The following GLG1 variants were observed in gnomAD, a reference collection of about 807,000 sequenced individuals.
GLG1 encodes golgi glycoprotein 1.
GLG1 carries 38 observed loss-of-function variants against 160.5 expected under a neutral mutation model. That is an observed-to-expected ratio of 0.24 (90% confidence interval 0.18 to 0.31). The LOEUF (loss-of-function observed/expected upper bound fraction) is 0.31. GLG1 is among the 10% of genes least tolerant of loss of function. The probability of loss-of-function intolerance (pLI) is 1.00; values close to 1 mark genes in which losing one functional copy is unlikely to be tolerated. For missense variants in GLG1, 1,373 were observed against 1,505.2 expected (o/e 0.91, Z 1.45); for synonymous variants, 644 against 543.4 (o/e 1.19, Z -2.57).
In GLG1 at chr16:74,493,155, C is replaced by T. The variant is rs1255381986; in HGVS notation, c.1051-15G>A. 2 of 1,586,554 alleles carry T rather than the reference C, an allele frequency of 1.3e-6. No homozygotes were observed. Among genetic ancestry groups the T allele is most frequent in the Admixed American group, 1.7e-5 (1 of 57,348 alleles). Reference sequence around the variant, plus strand: ...GCTTCTCGACACTGAGGAAAGAGTACAGCAACAGCCGTGAGACCACTCATG... The same window carrying T: ...GCTTCTCGACACTGAGGAAAGAGTATAGCAACAGCCGTGAGACCACTCATG... On this transcript the variant is annotated splice_polypyrimidine_tract_variant and intron_variant, in intron 6 of 25. Coordinates refer to ENST00000422840, the MANE Select transcript of GLG1 (RefSeq NM_001145667.2).
intron 1 of GLG1, among the ~76,000 whole-genome samples, chr16:74,592,889 T>C (rs1290579928): frequency 6.6e-6 from 1 of 152,060 alleles, no homozygotes; most frequent in African/African-American, 2.4e-5. Flanking sequence ...CCAATACAAG[T>C]GTTGAGAGAT....
At chr16:74,506,458 T>C in intron 3 of GLG1, among the ~76,000 whole-genome samples, 1 of 151,354 alleles carries the variant, frequency 6.6e-6, no homozygotes, top group East Asian at 1.9e-4. Context: ...AGCAGGTGCC[T>C]GTAGTCCCAG....
Position 74,452,744 on chromosome 16 carries a change from C to A in GLG1, c.*423G>T. 2.0e-6 allele frequency: 2 copies of A among 992,464 alleles called. No homozygotes were observed. Among genetic ancestry groups the A allele is most frequent in the Non-Finnish European group, 2.4e-6 (2 of 834,050 alleles). The allele number at this position is 992,464 out of a possible 1,614,324, so 61.5% of individuals were successfully genotyped here. ...TTACACAGTCATATGAAAGACATAA[C>A]CCCATTGCCCAAATCAAGCCTGGAG... On this transcript the variant is annotated 3_prime_UTR_variant, in exon 26 of 26. Coordinates refer to ENST00000422840, the MANE Select transcript of GLG1 (RefSeq NM_001145667.2).
chr16:74,452,920 TA>T lies in GLG1; in HGVS notation c.*246del, dbSNP rs1407546435. 8.4e-7 allele frequency: 1 copy of T among 1,196,046 alleles called. No homozygotes were observed. Among genetic ancestry groups the T allele is most frequent in the Non-Finnish European group, 1.0e-6 (1 of 964,548 alleles). The allele number at this position is 1,196,046 out of a possible 1,614,324, so 74.1% of individuals were successfully genotyped here. A position where few individuals can be genotyped will look rare whatever the true frequency, so the allele number is the denominator to read the frequency against. On this transcript the variant is annotated 3_prime_UTR_variant, in exon 26 of 26. Transcript: ENST00000422840. ...TGAGAGAGACTTGTCTACAGGCAGG[TA>T]AACCCAAGTTTGCCAAACAAAGGCA...
intron 1 of GLG1, among the ~76,000 whole-genome samples, chr16:74,585,709 C>CAAA (rs556357835): frequency 8.0e-5 from 8 of 100,152 alleles, no homozygotes; most frequent in South Asian, 2.9e-4. Context: ...GACTCCGTCT[C>CAAA]AAAAAAAAAA....
rs747515202 is a variant in GLG1 at position 74,494,753 on chromosome 16, T to C, written c.1050+7A>G. 1 of 1,232,676 alleles carries C rather than the reference T, an allele frequency of 8.1e-7. No individual in the cohort carries two copies. The highest frequency in any genetic ancestry group is 1.2e-5 in the South Asian group (1 of 83,560). The allele number at this position is 1,232,676 out of a possible 1,614,324, so 76.4% of individuals were successfully genotyped here. The stretch of plus-strand genomic sequence containing the variant: ...AAAACATTCATTAGTTTCAAAATAA[T>C]ACTTACCTTTTCACTCATGGATTCT... On this transcript the variant is annotated splice_region_variant and intron_variant, in intron 6 of 25. Coordinates refer to ENST00000422840, the MANE Select transcript of GLG1 (RefSeq NM_001145667.2).
chr16:74,501,203 G>A (rs768418623), intron 4 of GLG1, among the ~76,000 whole-genome samples: 6 of 152,326 alleles, frequency 3.9e-5, no homozygotes, highest in African/African-American at 4.8e-5. Flanking sequence ...CTGAGAACAT[G>A]CCTCCCTCTT....
chr16:74,598,568 C>A, intron 1 of GLG1, among the ~76,000 whole-genome samples: 1 of 149,728 alleles, frequency 6.7e-6, no homozygotes, highest in East Asian at 2.0e-4. Flanking sequence ...ACATGATAGC[C>A]TATAAGCCAT....
chr16:74,471,507 C>T (rs750489389), intron 14 of GLG1, among the ~76,000 whole-genome samples: 2 of 152,106 alleles, frequency 1.3e-5, no homozygotes, highest in Admixed American at 6.6e-5. Context: ...ACATGATATA[C>T]GCTTTTTTTT....
chr16:74,578,236 G>A (rs546284337), intron 1 of GLG1, among the ~76,000 whole-genome samples: 14 of 152,098 alleles, frequency 9.2e-5, no homozygotes, highest in Non-Finnish European at 1.5e-4. Context: ...GGAAATGGAC[G>A]AAAATTGATC....
rs57372225 is a variant in GLG1, at chr16:74,498,868, C to CAAAA, written c.775-2228_775-2225dup. On this transcript the variant is annotated intron_variant, in intron 4 of 25. Coordinates refer to ENST00000422840, the MANE Select transcript of GLG1 (RefSeq NM_001145667.2). ...CAACAAGAGTGAACTCCGTCTCAGG[C>CAAAA]AAAAAAAAAAAAAAAAAAAAAGATT... Among the ~76,000 whole-genome samples, 187 of 74,706 alleles carry CAAAA rather than the reference C, an allele frequency of 2.5e-3. 3 individuals carry two copies. The highest frequency in any genetic ancestry group is 2.8e-3 in the African/African-American group (51 of 17,914). 49.0% of individuals were successfully genotyped at this position (74,706 alleles called of 152,430 possible). A position where few individuals can be genotyped will look rare whatever the true frequency, so the allele number is the denominator to read the frequency against.
intron 1 of GLG1, among the ~76,000 whole-genome samples, chr16:74,581,106 A>T (rs1957928350): frequency 6.6e-6 from 1 of 152,246 alleles, no homozygotes; most frequent in Non-Finnish European, 1.5e-5. Flanking sequence ...ACTTAAAAAT[A>T]GAATTGCCAT....
At chr16:74,456,514 G>C (rs566386433) in intron 25 of GLG1, 135 bp downstream of exon 25, 10 of 676,642 alleles carry the variant, frequency 1.5e-5, no homozygotes, top group East Asian at 1.3e-4. Flanking sequence ...GACAAGACCA[G>C]TGCGATATCT....
intron 14 of GLG1, 71 bp downstream of exon 14, chr16:74,472,278 G>A (rs905099016): frequency 1.0e-6 from 1 of 988,806 alleles, no homozygotes; most frequent in South Asian, 1.3e-5. Flanking sequence ...AGGTGAGTCT[G>A]AGATACTCAG....
At chr16:74,562,158 G>C (rs756802809) in intron 1 of GLG1, among the ~76,000 whole-genome samples, 26 of 152,256 alleles carry the variant, frequency 1.7e-4, no homozygotes, top group Non-Finnish European at 3.2e-4. Context: ...TCCAGTGATA[G>C]TGGTACTTGT....
At chr16:74,529,914 C>A (rs2549558) in intron 2 of GLG1, among the ~76,000 whole-genome samples, 2 of 141,584 alleles carry the variant, frequency 1.4e-5, no homozygotes, top group Admixed American at 7.9e-5. Context: ...CCGGTTCAAG[C>A]GATTTTCCTG....
intron 1 of GLG1, among the ~76,000 whole-genome samples, chr16:74,580,011 C>T (rs1056473274): frequency 6.6e-6 from 1 of 151,716 alleles, no homozygotes; most frequent in African/African-American, 2.4e-5. Context: ...TGCAGTGAGC[C>T]AAGATCCTGC....
At chr16:74,492,558 C>G (rs2016037659) in intron 7 of GLG1, among the ~76,000 whole-genome samples, 1 of 151,620 alleles carries the variant, frequency 6.6e-6, no homozygotes, top group African/African-American at 2.4e-5. Flanking sequence ...GTGGCTCACA[C>G]CTATAATCCA....
intron 1 of GLG1, among the ~76,000 whole-genome samples, chr16:74,584,196 AAT>A (rs1159494255): frequency 6.6e-6 from 1 of 152,212 alleles, no homozygotes; most frequent in African/African-American, 2.4e-5. Context: ...AAACTAAGTT[AAT>A]ATAGACATTT....
Sources: allele counts gnomAD v4.1 joint callset (sites outside exome capture counted in the v4.1 genomes callset), GRCh38; gene constraint gnomAD v4.1.1; transcripts MANE v1.5; gene names NCBI Gene and HGNC (gene_info 2026-07-23, HGNC 2026-07-21).